The following SMC2 variants were observed in gnomAD, a reference collection of about 807,000 sequenced individuals.
SMC2 encodes structural maintenance of chromosomes 2.
A neutral mutation model predicts 142.6 loss-of-function variants in SMC2; 41 were observed. The ratio of observed to expected loss-of-function variants is 0.29; its 90% CI spans 0.22 to 0.37. The LOEUF is 0.37. SMC2 is among the 10% of genes least tolerant of loss of function. The pLI, the probability that SMC2 is intolerant of heterozygous loss-of-function variation, is 1.00. For synonymous variants in SMC2, 463 were observed against 457.5 expected, an observed-to-expected ratio of 1.01 and a Z score of -0.15; for missense variants, 1,265 against 1,373.7, an observed-to-expected ratio of 0.92 and a Z score of 1.25.
At chr9:104,095,242 T>G (rs2131269247) in intron 1 of SMC2, 82 bp from the exon 2 acceptor site, 1 of 638,708 alleles carries the variant, frequency 1.6e-6, no homozygotes, top group East Asian at 2.6e-5. Context: ...TCTATCACCC[T>G]ATCGTTGCTG....
At chr9:104,122,766 TAATC>T (rs1281193036) in intron 16 of SMC2, among the ~76,000 whole-genome samples, 1 of 152,190 alleles carries the variant, frequency 6.6e-6, no homozygotes, top group Admixed American at 6.5e-5. Context: ...TTGTTATAAT[TAATC>T]ATTTTTCGTG....
intron 8 of SMC2, 93 bp from the exon 9 acceptor site, chr9:104,102,329 CTT>C (rs2131321741): frequency 8.1e-7 from 1 of 1,231,392 alleles, no homozygotes; most frequent in East Asian, 2.4e-5. Flanking sequence ...AATGAAATAA[CTT>C]ATAAAAAAGT....
intron 13 of SMC2, among the ~76,000 whole-genome samples, chr9:104,115,592 A>C (rs1193843920): frequency 6.6e-6 from 1 of 152,222 alleles, no homozygotes; most frequent in East Asian, 1.9e-4. Context: ...CTCAAAAAAA[A>C]AAAGAAAAAA....
chr9:104,135,163 CAAAATT>C (rs1835395339), intron 23 of SMC2, among the ~76,000 whole-genome samples: 2 of 151,554 alleles, frequency 1.3e-5, no homozygotes, highest in African/African-American at 4.9e-5. Flanking sequence ...AGCATGTAAT[CAAAATT>C]AAAGAGAAAA....
chr9:104,119,598 T>C (rs922155497), intron 15 of SMC2, among the ~76,000 whole-genome samples: 2 of 152,208 alleles, frequency 1.3e-5, no homozygotes, highest in Non-Finnish European at 2.9e-5. Flanking sequence ...TGGGACTCAG[T>C]GTGAAGGAGT....
At chr9:104,088,785 C>G in the SMC2 span, among the ~76,000 whole-genome samples, 1 of 152,112 alleles carries the variant, frequency 6.6e-6, no homozygotes, top group African/African-American at 2.4e-5. Flanking sequence ...TTATACAAGT[C>G]TTCTCCACTC....
intron 9 of SMC2, 67 bp from the exon 10 acceptor site, chr9:104,111,514 A>G (rs1020399306): frequency 3.4e-6 from 3 of 876,192 alleles, no homozygotes; most frequent in African/African-American, 3.4e-5. Flanking sequence ...ACATAAGGGT[A>G]TGCGTATAAG....
intron 23 of SMC2, among the ~76,000 whole-genome samples, chr9:104,135,094 G>C (rs922899752): frequency 1.3e-5 from 2 of 152,070 alleles, no homozygotes; most frequent in African/African-American, 4.8e-5. Flanking sequence ...ACAAAGGCCA[G>C]TGTTCTTTAA....
In SMC2 at chr9:104,140,286, C is replaced by G. The variant is rs183425525; in HGVS notation, c.*971C>G. ...AAAAGTTGGATGATTATTTGTCTTC[C>G]GCTTTCCAGTTCAAAGGGATGAAAT... is the stretch of plus-strand genomic sequence containing the variant. On this transcript the variant is annotated 3_prime_UTR_variant, in exon 25 of 25. Coordinates refer to ENST00000374793, the MANE Select transcript of SMC2 (RefSeq NM_006444.3). The G allele has an allele frequency of 8.5e-5, 13 of 152,122 alleles. No homozygotes were observed. Among genetic ancestry groups the G allele is most frequent in the Non-Finnish European group, 5.9e-5 (4 of 67,958 alleles). 9.4% of individuals were successfully genotyped at this position (152,122 alleles called of 1,614,324 possible). A position where few individuals can be genotyped will look rare whatever the true frequency, so the allele number is the denominator to read the frequency against.
chr9:104,098,382 T>G, intron 3 of SMC2, 64 bp from the exon 4 acceptor site: 1 of 1,349,738 alleles, frequency 7.4e-7, no homozygotes, highest in Non-Finnish European at 1.0e-6. Flanking sequence ...GCTAATATAC[T>G]TAGTTTATCC....
chr9:104,098,391 C>T, intron 3 of SMC2, 55 bp from the exon 4 acceptor site: 3 of 1,432,994 alleles, frequency 2.1e-6, no homozygotes, highest in Non-Finnish European at 2.8e-6. Flanking sequence ...CTTAGTTTAT[C>T]CTAGCACAAG....
rs1834417492 is a variant in SMC2, at chr9:104,127,273, T to G, written c.2596-13T>G. ...TACCTCACCACATATTTTCTTTAAT[T>G]TTTTTGTTTTAGGAGTCAGTAAATA... On this transcript the variant is annotated splice_polypyrimidine_tract_variant and intron_variant, in intron 19 of 24. Transcript: ENST00000374793. The G allele has an allele frequency of 6.5e-7, 1 of 1,535,054 alleles. No homozygotes were observed. The highest frequency in any genetic ancestry group is 1.4e-5 in the African/African-American group (1 of 72,008).
At chr9:104,131,151 T>C in intron 21 of SMC2, among the ~76,000 whole-genome samples, 1 of 152,114 alleles carries the variant, frequency 6.6e-6, no homozygotes, top group Non-Finnish European at 1.5e-5. Flanking sequence ...TTGCTGTTCA[T>C]GGTATGATTA....
At position 104,140,517 on chromosome 9, in the gene SMC2, C is replaced by G. The variant is rs1835974343; in HGVS notation, c.*1202C>G. On this transcript the variant is annotated 3_prime_UTR_variant, in exon 25 of 25. Transcript: ENST00000374793. ...CCTTAGTGTTATTATCATACTTCCC[C>G]TGATATATGGCCGTACTTCCTGGCC... The G allele has an allele frequency of 6.6e-6, 1 of 152,508 alleles. No individual in the cohort carries two copies. The allele number at this position is 152,508 out of a possible 1,614,324, so 9.4% of individuals were successfully genotyped here.
chr9:104,135,168 T>C (rs1199930970), intron 23 of SMC2, among the ~76,000 whole-genome samples: 1 of 151,436 alleles, frequency 6.6e-6, no homozygotes, highest in Non-Finnish European at 1.5e-5. Flanking sequence ...GTAATCAAAA[T>C]TAAAGAGAAA....
intron 16 of SMC2, 145 bp from the exon 17 acceptor site, chr9:104,122,963 G>A (rs1166922659): frequency 2.2e-5 from 17 of 766,490 alleles, no homozygotes; most frequent in East Asian, 2.1e-4. Context: ...CTTGAAAGCC[G>A]TCAAAATTAT....
intron 21 of SMC2, among the ~76,000 whole-genome samples, chr9:104,130,067 G>C (rs945834543): frequency 6.6e-6 from 1 of 151,724 alleles, no homozygotes; most frequent in Non-Finnish European, 1.5e-5. Context: ...TTTTTCACTG[G>C]CTTTTGTTCT....
chr9:104,125,408 C>T (rs1374634655), intron 18 of SMC2, among the ~76,000 whole-genome samples: 1 of 151,514 alleles, frequency 6.6e-6, no homozygotes, highest in East Asian at 1.9e-4. Context: ...ATTCCAAAAT[C>T]CAAAAAAAAA....
chr9:104,110,842 G>A (rs957572519), intron 9 of SMC2, among the ~76,000 whole-genome samples: 1 of 152,110 alleles, frequency 6.6e-6, no homozygotes, highest in Non-Finnish European at 1.5e-5. Flanking sequence ...TGAAGTAATT[G>A]TTCCTATCAC....
Sources: allele counts gnomAD v4.1 joint callset (sites outside exome capture counted in the v4.1 genomes callset), GRCh38; gene constraint gnomAD v4.1.1; transcripts MANE v1.5; gene names NCBI Gene and HGNC (gene_info 2026-07-23, HGNC 2026-07-21).